Variants in TCP1 observed in about 807,000 individuals in gnomAD.
TCP1 encodes the protein T-complex protein 1 subunit alpha.
Under a neutral mutation model 54.7 loss-of-function variants are expected in TCP1, and 6 were observed. The observed-to-expected ratio is 0.11, with a 90% CI of 0.06 to 0.22. The LOEUF (loss-of-function observed/expected upper bound fraction) is 0.22, where lower values mean the gene tolerates loss of function less well. Ranked by LOEUF, TCP1 falls within the 10% of genes least tolerant of loss-of-function variation. The pLI, the probability that TCP1 is intolerant of heterozygous loss-of-function variation, is 1.00. For synonymous variants in TCP1, 225 were observed against 229.7 expected (o/e 0.98, Z 0.19); for missense variants, 511 against 678.2 (o/e 0.75, Z 2.74).
intron 6 of TCP1, 53 bp downstream of exon 6, chr6:159,784,613 G>T: frequency 2.5e-6 from 4 of 1,570,302 alleles, no homozygotes; most frequent in Non-Finnish European, 3.5e-6. Flanking sequence ...CAAAAGAAAA[G>T]CTAGTTTTAA....
At chr6:159,789,223 T>C (rs928523730) in intron 1 of TCP1, 182 bp downstream of exon 1, 5 of 624,986 alleles carry the variant, frequency 8.0e-6, no homozygotes, top group Non-Finnish European at 1.1e-5. Flanking sequence ...CTCCTCGCTG[T>C]GGGAAAAGTG....
At chr6:159,780,324 C>T (rs1176116150) in intron 9 of TCP1, 119 bp downstream of exon 9, 2 of 1,470,292 alleles carry the variant, frequency 1.4e-6, no homozygotes, top group African/African-American at 1.4e-5. Flanking sequence ...GTTATTTTAT[C>T]CCATGCGTAT....
intron 1 of TCP1, 36 bp downstream of exon 1, chr6:159,789,369 G>T (rs988320848): frequency 6.2e-7 from 1 of 1,612,148 alleles, no homozygotes; most frequent in Non-Finnish European, 8.5e-7. Context: ...GGCCCTCCCC[G>T]GCCGCAAACC....
chr6:159,780,211 T>A, intron 9 of TCP1, 124 bp from the exon 10 acceptor site: 1 of 1,292,690 alleles, frequency 7.7e-7, no homozygotes, highest in Non-Finnish European at 1.1e-6. Context: ...TTCCCTTAAG[T>A]CCTGCCTACA....
At position 159,785,481 on chromosome 6, in the gene TCP1, A is replaced by G. The variant is rs946052958; in HGVS notation, c.393T>C (p.Tyr131=). 1 of 1,613,384 alleles carries G rather than the reference A, an allele frequency of 6.2e-7. No homozygotes were observed. The highest frequency in any genetic ancestry group is 8.5e-7 in the Non-Finnish European group (1 of 1,179,510). The part of the protein sequence containing the change: ...YRLACKEAVR[Y]INENLIVNTD... ...TGTTAACAATTAGGTTTTCATTGAT[A>G]TAACGCACTGCTTCCCTGTTTAAAA... is the stretch of plus-strand genomic sequence containing the variant. Residue 131 remains tyrosine, a synonymous_variant, in exon 5 of 12, where the codon TAT becomes TAC. Coordinates refer to ENST00000321394, the MANE Select transcript of TCP1 (RefSeq NM_030752.3).
At chr6:159,788,982 G>C (rs758349091) in intron 1 of TCP1, 118 of 164,636 alleles carry the variant, frequency 7.2e-4, no homozygotes, top group Non-Finnish European at 1.3e-3. Context: ...GCTCATCCGA[G>C]GGCGCGCGGA....
chr6:159,781,982 G>A lies in TCP1; in HGVS notation c.798-872C>T, dbSNP rs181370873. Among the ~76,000 whole-genome samples, 32 of 151,964 alleles carry A rather than the reference G, an allele frequency of 2.1e-4. No individual in the cohort carries two copies. The East Asian group carries it at 6.0e-3, about 28-fold the overall frequency. On this transcript the variant is annotated intron_variant, in intron 7 of 11. Coordinates refer to ENST00000321394, the MANE Select transcript of TCP1 (RefSeq NM_030752.3). ...TGCACTGAATGGCTGAAGACAAGAA[G>A]ATAATAACATGAGATATAAGCTGAA...
chr6:159,779,808 T>C lies in TCP1; in HGVS notation c.1291-18A>G, dbSNP rs1780527427. 1 of 1,586,068 alleles carries C rather than the reference T, an allele frequency of 6.3e-7. No homozygotes were observed. The highest frequency in any genetic ancestry group is 1.4e-5 in the African/African-American group (1 of 72,666). ...CGAGACCCCTAGGAAAAGAAGAAAA[T>C]TAGGTGACTTCACAAAAGGGAAAAA... On this transcript the variant is annotated intron_variant, in intron 10 of 11. Coordinates refer to ENST00000321394, the MANE Select transcript of TCP1 (RefSeq NM_030752.3).
chr6:159,779,193 A>G lies in TCP1; in HGVS notation c.1523T>C (p.Ile508Thr), dbSNP rs1206657606. Reference sequence around the variant, plus strand: ...AAATTTCAAACTCTTAACTTTAACTATGGTTGGTTCAAACACCCCTGCTTG... The same window carrying G: ...AAATTTCAAACTCTTAACTTTAACTGTGGTTGGTTCAAACACCCCTGCTTG... ...NKQAGVFEPTIVKVKSLKFAT... is the reference protein window; with the variant it reads ...NKQAGVFEPTTVKVKSLKFAT... The change falls in exon 12 of 12, where the codon ATA becomes ACA. Residue 508 changes from isoleucine (I) to threonine (T), a missense_variant. This residue lies in a region of TCP1 where 88 missense variants were observed against 153.1 expected (regional missense o/e 0.57). Transcript: ENST00000321394. The G allele has an allele frequency of 1.2e-6, 2 of 1,613,884 alleles. No individual in the cohort carries two copies. The highest frequency in any genetic ancestry group is 8.5e-7 in the Non-Finnish European group (1 of 1,179,832).
chr6:159,786,515 G>A (rs1000704230), intron 3 of TCP1, among the ~76,000 whole-genome samples: 1 of 152,196 alleles, frequency 6.6e-6, no homozygotes, highest in Admixed American at 6.5e-5. Flanking sequence ...AACCGAGTGT[G>A]ACTATTCATA....
chr6:159,788,618 T>G (rs62621403), intron 1 of TCP1: 1 of 156,570 alleles, frequency 6.4e-6, no homozygotes, highest in African/African-American at 2.4e-5. Flanking sequence ...ACCAATTTCA[T>G]GCTCTGCCAC....
At chr6:159,781,202 T>A (rs952863404) in intron 7 of TCP1, 92 bp from the exon 8 acceptor site, 2 of 1,109,498 alleles carry the variant, frequency 1.8e-6, no homozygotes. Context: ...TAATCATAGA[T>A]CAAATTGTAT....
chr6:159,788,893 G>T (rs1045745221), intron 1 of TCP1: 1 of 155,998 alleles, frequency 6.4e-6, no homozygotes, highest in Non-Finnish European at 1.4e-5. Flanking sequence ...TAACTCTACT[G>T]TAAGAAGCTG....
chr6:159,789,224 G>A (rs559065620), intron 1 of TCP1, 181 bp downstream of exon 1: 1 of 633,258 alleles, frequency 1.6e-6, no homozygotes, highest in South Asian at 2.1e-5. Context: ...TCCTCGCTGT[G>A]GGAAAAGTGG....
At chr6:159,780,189 G>A in intron 9 of TCP1, 102 bp from the exon 10 acceptor site, 3 of 1,439,518 alleles carry the variant, frequency 2.1e-6, no homozygotes, top group South Asian at 1.2e-5. Flanking sequence ...AATAAAATAA[G>A]TCTACATAAA....
At chr6:159,787,591 ACTTCT>A (rs1363619433) in intron 3 of TCP1, 147 bp downstream of exon 3, 1 of 958,008 alleles carries the variant, frequency 1.0e-6, no homozygotes, top group African/African-American at 1.7e-5. Flanking sequence ...TAAATGTGTA[ACTTCT>A]TTTGTTTTTT....
chr6:159,784,797 T>G lies in TCP1; in HGVS notation c.539A>C (p.Lys180Thr). 1 of 1,614,174 alleles carries G rather than the reference T, an allele frequency of 6.2e-7. No homozygotes were observed. Among genetic ancestry groups the G allele is most frequent in the Non-Finnish European group, 8.5e-7 (1 of 1,180,020 alleles). The change falls in exon 6 of 12, where the codon AAA becomes ACA. Residue 180 changes from lysine to threonine, a missense_variant. Transcript: ENST00000321394. ...NMVVDAVLAI[K>T]YTDIRGQPRY... ...TGGCTGGCCTCTTATGTCTGTGTATTTAATAGCAAGTACAGCATCTACTAC... is the reference window on the plus strand; with the variant it reads ...TGGCTGGCCTCTTATGTCTGTGTATGTAATAGCAAGTACAGCATCTACTAC...
chr6:159,787,343 G>A (rs901246116), intron 3 of TCP1, among the ~76,000 whole-genome samples: 6 of 152,128 alleles, frequency 3.9e-5, no homozygotes, highest in African/African-American at 1.4e-4. Context: ...AAGTCTCAAG[G>A]GGTGATGGGG....
Position 159,778,644 on chromosome 6 carries a change from T to C in TCP1, c.*401A>G. The C allele has an allele frequency of 1.2e-6, 2 of 1,612,200 alleles. No homozygotes were observed. The highest frequency in any genetic ancestry group is 1.7e-6 in the Non-Finnish European group (2 of 1,178,710). ...ACAGAAGAATAAACAATCTAAATCT[T>C]TTCTCCCCCGTTAGGTCAATATTGA... On this transcript the variant is annotated 3_prime_UTR_variant, in exon 12 of 12. Coordinates refer to ENST00000321394, the MANE Select transcript of TCP1 (RefSeq NM_030752.3).
Sources: allele counts gnomAD v4.1 joint callset (sites outside exome capture counted in the v4.1 genomes callset), GRCh38; gene constraint gnomAD v4.1.1; regional missense constraint gnomAD v4.1.1; transcripts MANE v1.5; gene names NCBI Gene and HGNC (gene_info 2026-07-23, HGNC 2026-07-21).